The following PLXNA4 variants were observed in gnomAD, a reference collection of about 807,000 sequenced individuals.
PLXNA4 encodes plexin-A4.
PLXNA4 carries 44 observed loss-of-function variants against 191.8 expected under a neutral mutation model. The observed-to-expected ratio is 0.23, with a 90% CI of 0.18 to 0.29. PLXNA4 has a LOEUF of 0.29. Among genes scored for constraint, PLXNA4 ranks in the 10% least tolerant of loss-of-function variants. The pLI is 1.00. For missense variants in PLXNA4, 1,800 were observed against 2,488.8 expected (o/e 0.72, Z 5.89); for synonymous variants, 1,082 against 1,009.5 (o/e 1.07, Z -1.36).
At chr7:132,274,206 G>A (rs938276863) in intron 4 of PLXNA4, among the ~76,000 whole-genome samples, 1 of 151,878 alleles carries the variant, frequency 6.6e-6, no homozygotes, top group Non-Finnish European at 1.5e-5. Context: ...GGTCATAAAA[G>A]AATTGTGGAG....
In PLXNA4 at chr7:132,466,916, A is replaced by T. The variant is rs376313633; in HGVS notation, c.1371+22376T>A. ...TGGGCTTTCTGGGTGATTAGAGGAG[A>T]CTCCTGCTGGGGGAAGCTGCCTGAC... is the stretch of plus-strand genomic sequence containing the variant. On this transcript the variant is annotated intron_variant, in intron 3 of 31. Transcript: ENST00000321063. Among the ~76,000 whole-genome samples the T allele has an allele frequency of 9.2e-5, 14 of 151,832 alleles. No homozygotes were observed. In the East Asian group the frequency reaches 9.7e-4, roughly 11 times the overall value.
At chr7:132,381,778 T>A (rs1035511386) in intron 3 of PLXNA4, among the ~76,000 whole-genome samples, 12 of 152,196 alleles carry the variant, frequency 7.9e-5, no homozygotes, top group Non-Finnish European at 1.6e-4. Flanking sequence ...GGGCTGAGGC[T>A]TTAATGGAGA....
chr7:132,203,838 A>C (rs1471595338), intron 10 of PLXNA4, among the ~76,000 whole-genome samples: 1 of 152,172 alleles, frequency 6.6e-6, no homozygotes, highest in Non-Finnish European at 1.5e-5. Flanking sequence ...AGGCCCTCCC[A>C]AGTCTGCAAT....
At chr7:132,386,736 G>A (rs1006108222) in intron 3 of PLXNA4, among the ~76,000 whole-genome samples, 1 of 152,190 alleles carries the variant, frequency 6.6e-6, no homozygotes, top group East Asian at 1.9e-4. Flanking sequence ...GTGGGATGAG[G>A]ATATTCCAGG....
chr7:132,639,092 C>T (rs1381770190), intron 2 of PLXNA4, among the ~76,000 whole-genome samples: 3 of 152,242 alleles, frequency 2.0e-5, no homozygotes, highest in East Asian at 3.9e-4. Flanking sequence ...GTTCACCATC[C>T]AAGGATGGAC....
intron 4 of PLXNA4, among the ~76,000 whole-genome samples, chr7:132,248,587 G>A (rs73157220): frequency 4.0e-4 from 61 of 152,286 alleles, no homozygotes; most frequent in African/African-American, 1.2e-3. Flanking sequence ...CATTGATGGC[G>A]TATGTAACTT....
At chr7:132,514,636 C>T (rs781439755) in intron 1 of PLXNA4, among the ~76,000 whole-genome samples, 9 of 152,104 alleles carry the variant, frequency 5.9e-5, no homozygotes, top group Non-Finnish European at 1.0e-4. Flanking sequence ...AAAAGACTGG[C>T]CTCCTCTGAG....
chr7:132,498,181 C>T (rs156951), intron 2 of PLXNA4, among the ~76,000 whole-genome samples: 117,175 of 152,146 alleles, frequency 0.77, 46,106 homozygotes, highest in Non-Finnish European at 0.85. Flanking sequence ...TTATAGTATA[C>T]TGTCATAACT....
chr7:132,187,759 T>C, intron 14 of PLXNA4, 152 bp from the exon 15 acceptor site: 4 of 1,378,070 alleles, frequency 2.9e-6, no homozygotes, highest in Non-Finnish European at 3.8e-6. Context: ...TCTCTTAGGC[T>C]TGCGTGGATA....
chr7:132,275,122 G>T (rs1800222411), intron 4 of PLXNA4, among the ~76,000 whole-genome samples: 1 of 151,972 alleles, frequency 6.6e-6, no homozygotes, highest in Non-Finnish European at 1.5e-5. Flanking sequence ...GTATCCAGTA[G>T]TGACTCTTCT....
At chr7:132,241,353 C>T (rs3925378) in intron 4 of PLXNA4, among the ~76,000 whole-genome samples, 187 bp from the exon 5 acceptor site, 1 of 151,896 alleles carries the variant, frequency 6.6e-6, no homozygotes, top group Non-Finnish European at 1.5e-5. Context: ...ACATATGCAT[C>T]CAGGGAGACA....
At chr7:132,294,645 A>G (rs1801011853) in intron 4 of PLXNA4, among the ~76,000 whole-genome samples, 1 of 152,200 alleles carries the variant, frequency 6.6e-6, no homozygotes. Context: ...GGAAATAGCC[A>G]TATTCTGGAA....
In PLXNA4 at chr7:132,376,287, G is replaced by A. The variant is rs964055784; in HGVS notation, c.1372-78065C>T. On this transcript the variant is annotated intron_variant, in intron 3 of 31. Transcript: ENST00000321063. Reference sequence around the variant, plus strand: ...CTAAGGGGAAAGCCTCTATTGCTCCGCAAGGCAAAGGACCCCCAGCCGAGG... The same window carrying A: ...CTAAGGGGAAAGCCTCTATTGCTCCACAAGGCAAAGGACCCCCAGCCGAGG... Among the ~76,000 whole-genome samples, 10 of 152,234 alleles carry A rather than the reference G, an allele frequency of 6.6e-5. No individual in the cohort carries two copies. In the South Asian group the frequency reaches 1.2e-3, roughly 19 times the overall value.
At chr7:132,402,308 A>C (rs928200047) in intron 3 of PLXNA4, among the ~76,000 whole-genome samples, 1 of 152,146 alleles carries the variant, frequency 6.6e-6, no homozygotes, top group African/African-American at 2.4e-5. Context: ...GGTGCCAGAC[A>C]CCCTGACGGT....
intron 3 of PLXNA4, among the ~76,000 whole-genome samples, chr7:132,374,411 C>A (rs1585050545): frequency 6.6e-6 from 1 of 152,254 alleles, no homozygotes; most frequent in African/African-American, 2.4e-5. Context: ...ACGACAGGCT[C>A]CTTCACAAAA....
chr7:132,352,166 G>A (rs1803514445), intron 3 of PLXNA4, among the ~76,000 whole-genome samples: 1 of 152,188 alleles, frequency 6.6e-6, no homozygotes, highest in Non-Finnish European at 1.5e-5. Context: ...CCTGCTGGCT[G>A]CCATCCCAGG....
intron 3 of PLXNA4, among the ~76,000 whole-genome samples, chr7:132,405,837 C>T (rs147396813): frequency 3.6e-4 from 55 of 152,314 alleles, no homozygotes; most frequent in African/African-American, 1.3e-3. Flanking sequence ...ATCTTACTCA[C>T]ATTGAAAACC....
intron 2 of PLXNA4, among the ~76,000 whole-genome samples, chr7:132,626,875 T>C (rs1333016505): frequency 1.3e-5 from 2 of 152,172 alleles, no homozygotes; most frequent in Non-Finnish European, 2.9e-5. Context: ...TCTGAGAATG[T>C]GAGTGAGCCT....
At chr7:132,561,272 G>A (rs1457478575) in intron 1 of PLXNA4, among the ~76,000 whole-genome samples, 1 of 151,818 alleles carries the variant, frequency 6.6e-6, no homozygotes, top group East Asian at 1.9e-4. Flanking sequence ...TCAACTGGAT[G>A]CCCCTCTTCC....
Sources: allele counts gnomAD v4.1 joint callset (sites outside exome capture counted in the v4.1 genomes callset), GRCh38; gene constraint gnomAD v4.1.1; transcripts MANE v1.5; gene names NCBI Gene and HGNC (gene_info 2026-07-23, HGNC 2026-07-21).